The following PITPNC1 variants were observed in gnomAD, a reference collection of about 807,000 sequenced individuals.
The protein encoded by PITPNC1 is phosphatidylinositol transfer protein cytoplasmic 1, also known as cytoplasmic phosphatidylinositol transfer protein 1.
In PITPNC1, 18 loss-of-function variants were observed where a neutral mutation model predicts 44.7. The observed-to-expected ratio is 0.40, with a 90% confidence interval of 0.28 to 0.60. The LOEUF (loss-of-function observed/expected upper bound fraction) is 0.60, where lower values mean the gene tolerates loss of function less well. PITPNC1 is among the 20% of genes least tolerant of loss of function. PITPNC1 has a pLI of 0.39. For synonymous variants in PITPNC1, 141 were observed against 149.6 expected (o/e 0.94, Z 0.42); for missense variants, 290 against 418.4 (o/e 0.69, Z 2.68).
At chr17:67,382,971 A>G (rs2037986773) in intron 1 of PITPNC1, among the ~76,000 whole-genome samples, 1 of 151,338 alleles carries the variant, frequency 6.6e-6, no homozygotes, top group Non-Finnish European at 1.5e-5. Flanking sequence ...GATGATTTAT[A>G]ATTGAGCCAT....
At chr17:67,410,893 G>T (rs1344345889) in intron 1 of PITPNC1, among the ~76,000 whole-genome samples, 1 of 151,710 alleles carries the variant, frequency 6.6e-6, no homozygotes, top group African/African-American at 2.4e-5. Context: ...GACCAGCCTG[G>T]CCAAGTTGGT....
intron 4 of PITPNC1, among the ~76,000 whole-genome samples, chr17:67,560,684 C>T (rs890663559): frequency 6.6e-6 from 1 of 152,222 alleles, no homozygotes; most frequent in African/African-American, 2.4e-5. Flanking sequence ...AGCTTTGGAA[C>T]AGCCAGTTTT....
intron 6 of PITPNC1, among the ~76,000 whole-genome samples, chr17:67,660,935 T>C (rs1173901638): frequency 6.6e-6 from 1 of 151,208 alleles, no homozygotes; most frequent in African/African-American, 2.4e-5. Flanking sequence ...CTTGGCTTGC[T>C]GCAACATCCA....
chr17:67,692,573 C>T lies in PITPNC1; in HGVS notation c.684C>T (p.Asp228=), dbSNP rs2042949451. 1.2e-6 allele frequency: 2 copies of T among 1,609,218 alleles called. No individual in the cohort carries two copies. The highest frequency in any genetic ancestry group is 1.7e-6 in the Non-Finnish European group (2 of 1,175,742). Residue 228 remains aspartate, a splice_region_variant and synonymous_variant, in exon 9 of 9, where the codon GAC becomes GAT. Transcript: ENST00000581322. The part of the protein sequence containing the change: ...QAFAWVDEWY[D]MTMDEVREFE... ...TTCTTTCTGTTTTTCTCCTTGAAGA[C>T]ATGACAATGGATGAAGTCCGAGAAT...
At chr17:67,469,392 C>A (rs146197749) in intron 1 of PITPNC1, among the ~76,000 whole-genome samples, 11 of 152,234 alleles carry the variant, frequency 7.2e-5, no homozygotes, top group African/African-American at 2.4e-4. Context: ...CGTATCACTC[C>A]GTAGCTTATT....
rs529726765 is a variant in PITPNC1 at position 67,507,925 on chromosome 17, C to T, written c.49-24877C>T. 2.0e-5 allele frequency among the ~76,000 whole-genome samples: 3 copies of T among 152,138 alleles called. 1 individual carries two copies. Among genetic ancestry groups the T allele is most frequent in the African/African-American group, 7.2e-5 (3 of 41,484 alleles). On this transcript the variant is annotated intron_variant, in intron 1 of 8. Transcript: ENST00000581322. ...CATCTGAGTGCTGTGGTCTTCTGAC[C>T]CTGAGCTGCAACCTGGATCGCTTTC...
At chr17:67,450,285 C>G (rs963520801) in intron 1 of PITPNC1, among the ~76,000 whole-genome samples, 2 of 151,926 alleles carry the variant, frequency 1.3e-5, no homozygotes, top group African/African-American at 4.8e-5. Flanking sequence ...CAGTTAAGAA[C>G]TCAACTGATG....
intron 5 of PITPNC1, among the ~76,000 whole-genome samples, chr17:67,595,196 G>GC (rs2041444312): frequency 6.6e-6 from 1 of 152,174 alleles, no homozygotes; most frequent in South Asian, 2.1e-4. Flanking sequence ...ACTGAATTCT[G>GC]CCAAAGTCAA....
intron 1 of PITPNC1, among the ~76,000 whole-genome samples, chr17:67,449,235 G>A (rs76028453): frequency 0.045 from 6,862 of 152,292 alleles, 194 homozygotes; most frequent in South Asian, 0.073. Context: ...ACACAGCAAA[G>A]TGCCTTATCT....
chr17:67,426,520 A>C (rs550244339), intron 1 of PITPNC1, among the ~76,000 whole-genome samples: 4 of 151,682 alleles, frequency 2.6e-5, no homozygotes, highest in African/African-American at 7.2e-5. Context: ...AGAAAACCAA[A>C]CACCACGTGT....
At chr17:67,605,472 A>G (rs780073312) in intron 5 of PITPNC1, among the ~76,000 whole-genome samples, 57 of 152,318 alleles carry the variant, frequency 3.7e-4, no homozygotes, top group Middle Eastern at 3.4e-3. Context: ...CCCGGGGCTT[A>G]TCGTGAATTT....
chr17:67,537,477 A>T (rs539367293), intron 2 of PITPNC1, among the ~76,000 whole-genome samples: 12 of 152,344 alleles, frequency 7.9e-5, no homozygotes, highest in Non-Finnish European at 1.3e-4. Flanking sequence ...AAAGTTACCC[A>T]GTAATCAGTC....
intron 5 of PITPNC1, among the ~76,000 whole-genome samples, chr17:67,590,673 C>A (rs896590633): frequency 6.6e-6 from 1 of 152,114 alleles, no homozygotes. Context: ...AATAATTTTA[C>A]AATAGACAGC....
chr17:67,575,979 C>G (rs144679661), intron 4 of PITPNC1, among the ~76,000 whole-genome samples: 2 of 146,166 alleles, frequency 1.4e-5, no homozygotes, highest in African/African-American at 5.1e-5. Flanking sequence ...CAGGTTCAAG[C>G]GATTCTCGTG....
chr17:67,692,180 G>C (rs898283125), intron 8 of PITPNC1, among the ~76,000 whole-genome samples: 14 of 152,034 alleles, frequency 9.2e-5, no homozygotes, highest in African/African-American at 3.4e-4. Flanking sequence ...AATATGACCA[G>C]TTAATTATAG....
At chr17:67,635,678 G>C (rs756584928) in intron 6 of PITPNC1, among the ~76,000 whole-genome samples, 36 of 152,170 alleles carry the variant, frequency 2.4e-4, no homozygotes, top group Non-Finnish European at 4.4e-4. Context: ...AGATCAGGTT[G>C]AATCTAAAAG....
At chr17:67,421,378 G>A (rs554695885) in intron 1 of PITPNC1, among the ~76,000 whole-genome samples, 1 of 152,158 alleles carries the variant, frequency 6.6e-6, no homozygotes, top group South Asian at 2.1e-4. Context: ...TGCCTCCTGG[G>A]TTCAAGCGAT....
chr17:67,570,912 C>A (rs2041046865), intron 4 of PITPNC1, among the ~76,000 whole-genome samples: 1 of 152,006 alleles, frequency 6.6e-6, no homozygotes, highest in Non-Finnish European at 1.5e-5. Context: ...GGGCAATAAG[C>A]AGTGGCCATT....
chr17:67,646,391 T>C (rs2042150476), intron 6 of PITPNC1, among the ~76,000 whole-genome samples: 1 of 152,206 alleles, frequency 6.6e-6, no homozygotes, highest in Non-Finnish European at 1.5e-5. Context: ...GGTGCTTGTC[T>C]TCATCTTTTA....
Sources: allele counts gnomAD v4.1 joint callset (sites outside exome capture counted in the v4.1 genomes callset), GRCh38; gene constraint gnomAD v4.1.1; transcripts MANE v1.5; gene names NCBI Gene and HGNC (gene_info 2026-07-23, HGNC 2026-07-21).